The following NUDT9 variants were observed in gnomAD, a reference collection of about 807,000 sequenced individuals.
NUDT9 encodes the protein ADP-ribose pyrophosphatase.
NUDT9 carries 31 observed loss-of-function variants against 41.0 expected under a neutral mutation model. The ratio of observed to expected loss-of-function variants is 0.76; its 90% confidence interval spans 0.57 to 1.02. The LOEUF (loss-of-function observed/expected upper bound fraction) is 1.02, where lower values mean the gene tolerates loss of function less well. Among genes scored for constraint, NUDT9 ranks in the 50% least tolerant of loss-of-function variants. The pLI is 0.00. For synonymous variants in NUDT9, 146 were observed against 147.6 expected, an observed-to-expected ratio of 0.99 and a Z score of 0.08; for missense variants, 380 against 431.4, an observed-to-expected ratio of 0.88 and a Z score of 1.06.
At chr4:87,427,633 T>C (rs1378853267) in intron 1 of NUDT9, among the ~76,000 whole-genome samples, 1 of 152,236 alleles carries the variant, frequency 6.6e-6, no homozygotes, top group Non-Finnish European at 1.5e-5. Context: ...ATTTGTGGAA[T>C]TCCATAAACA....
At chr4:87,429,307 A>G (rs1294864700) in intron 1 of NUDT9, among the ~76,000 whole-genome samples, 2 of 151,936 alleles carry the variant, frequency 1.3e-5, no homozygotes, top group Admixed American at 6.6e-5. Flanking sequence ...ACATACCACC[A>G]TGCCTGACTA....
rs370980749 is a variant in NUDT9 at position 87,438,383 on chromosome 4, G to A, written c.443+11G>A. ...AAATGGAAGACCGAGGTAGGTACTG[G>A]GAGCAGAGCATCTTACAATAATGAG... On this transcript the variant is annotated intron_variant, in intron 3 of 7. Transcript: ENST00000302174. The A allele has an allele frequency of 1.6e-5, 23 of 1,476,374 alleles. No homozygotes were observed. In the African/African-American group the frequency reaches 2.6e-4, roughly 17 times the overall value. 91.5% of individuals were successfully genotyped at this position (1,476,374 alleles called of 1,614,324 possible).
rs1468687618 is a variant in NUDT9, at chr4:87,432,280, G to T, written c.108-2701G>T. 2.0e-5 allele frequency among the ~76,000 whole-genome samples: 3 copies of T among 152,120 alleles called. No homozygotes were observed. In the East Asian group the frequency reaches 5.8e-4, roughly 29 times the overall value. On this transcript the variant is annotated intron_variant, in intron 1 of 7. Coordinates refer to ENST00000302174, the MANE Select transcript of NUDT9 (RefSeq NM_024047.5). Reference sequence around the variant, plus strand: ...GTTTTATATATACTTTAAACAGGTAGCCTGGAGATACTTTTATACAGTATT... The same window carrying T: ...GTTTTATATATACTTTAAACAGGTATCCTGGAGATACTTTTATACAGTATT...
intron 7 of NUDT9, among the ~76,000 whole-genome samples, chr4:87,457,397 T>C (rs111912950): frequency 1.3e-5 from 2 of 151,996 alleles, no homozygotes; most frequent in African/African-American, 4.8e-5. Context: ...CCACCACTCC[T>C]GGCTAATTTT....
chr4:87,454,059 C>T lies in NUDT9; in HGVS notation c.790-312C>T, dbSNP rs112918097. On this transcript the variant is annotated intron_variant, in intron 6 of 7. Coordinates refer to ENST00000302174, the MANE Select transcript of NUDT9 (RefSeq NM_024047.5). Reference sequence around the variant, plus strand: ...TGTATTTTTAGTAGAGACAGGGTTTCACCTTGTTGGTCAGGCTGGTCTCGA... The same window carrying T: ...TGTATTTTTAGTAGAGACAGGGTTTTACCTTGTTGGTCAGGCTGGTCTCGA... Among the ~76,000 whole-genome samples, 60 of 152,002 alleles carry T rather than the reference C, an allele frequency of 3.9e-4. 1 individual carries two copies. The highest frequency in any genetic ancestry group is 1.4e-3 in the African/African-American group (60 of 41,482).
At chr4:87,445,926 T>G (rs1291865115) in intron 4 of NUDT9, among the ~76,000 whole-genome samples, 1 of 151,570 alleles carries the variant, frequency 6.6e-6, no homozygotes, top group African/African-American at 2.4e-5. Context: ...CCCAGTAGCA[T>G]CTCTCTCTTT....
chr4:87,453,320 A>G (rs1342692855), intron 6 of NUDT9, among the ~76,000 whole-genome samples: 1 of 152,186 alleles, frequency 6.6e-6, no homozygotes, highest in Non-Finnish European at 1.5e-5. Flanking sequence ...GTATTTCAGA[A>G]ACTATAATCA....
chr4:87,453,694 CT>C (rs1428957999), intron 6 of NUDT9, among the ~76,000 whole-genome samples: 2 of 152,038 alleles, frequency 1.3e-5, no homozygotes, highest in Non-Finnish European at 2.9e-5. Context: ...TCCCAAAGTG[CT>C]GGTATTACAG....
At chr4:87,437,540 C>T (rs1223682937) in intron 2 of NUDT9, among the ~76,000 whole-genome samples, 1 of 151,542 alleles carries the variant, frequency 6.6e-6, no homozygotes, top group Admixed American at 6.6e-5. Context: ...GATGGGGTTC[C>T]ACCATGTTAG....
At chr4:87,436,943 G>C (rs917221927) in intron 2 of NUDT9, among the ~76,000 whole-genome samples, 1 of 152,078 alleles carries the variant, frequency 6.6e-6, no homozygotes, top group Non-Finnish European at 1.5e-5. Flanking sequence ...GTTTAGTTAT[G>C]TCTGTTTAAA....
At chr4:87,450,367 T>G (rs1222917809) in intron 5 of NUDT9, among the ~76,000 whole-genome samples, 1 of 145,810 alleles carries the variant, frequency 6.9e-6, no homozygotes, top group Non-Finnish European at 1.5e-5. Flanking sequence ...GGCTAATTTC[T>G]TTTTCTTTTT....
At chr4:87,438,603 C>T (rs1004685535) in intron 3 of NUDT9, among the ~76,000 whole-genome samples, 2 of 151,896 alleles carry the variant, frequency 1.3e-5, no homozygotes, top group Non-Finnish European at 2.9e-5. Flanking sequence ...GCAGAGGCAG[C>T]GTTTGAATGC....
intron 3 of NUDT9, among the ~76,000 whole-genome samples, chr4:87,440,827 C>CA (rs1337262669): frequency 1.3e-5 from 2 of 148,506 alleles, no homozygotes; most frequent in Non-Finnish European, 3.0e-5. Flanking sequence ...GCGTGGGTGA[C>CA]AGAGTGAGAC....
intron 6 of NUDT9, among the ~76,000 whole-genome samples, chr4:87,452,111 TC>T (rs1185199170): frequency 6.6e-6 from 1 of 151,972 alleles, no homozygotes; most frequent in African/African-American, 2.4e-5. Context: ...CAAGCAATTC[TC>T]CTGCCTCAGC....
intron 3 of NUDT9, among the ~76,000 whole-genome samples, chr4:87,440,818 C>T (rs918230531): frequency 1.3e-5 from 2 of 151,062 alleles, no homozygotes; most frequent in African/African-American, 2.4e-5. Context: ...CGCACTCCAG[C>T]GTGGGTGACA....
chr4:87,428,124 T>C (rs1007891028), intron 1 of NUDT9, among the ~76,000 whole-genome samples: 1 of 152,226 alleles, frequency 6.6e-6, no homozygotes, highest in Non-Finnish European at 1.5e-5. Context: ...TCTGGGGATA[T>C]TAACTTCTTT....
intron 7 of NUDT9, among the ~76,000 whole-genome samples, chr4:87,456,738 G>C (rs917403532): frequency 1.3e-5 from 2 of 152,082 alleles, no homozygotes; most frequent in East Asian, 3.9e-4. Context: ...TGTCTCTCCA[G>C]TTTTTGGTAT....
intron 6 of NUDT9, among the ~76,000 whole-genome samples, chr4:87,453,670 C>T (rs1274027900): frequency 9.2e-5 from 14 of 151,970 alleles, no homozygotes; most frequent in African/African-American, 2.2e-4. Context: ...CCTCATGATC[C>T]GCCCACCTCC....
chr4:87,443,529 C>T (rs1330215335), intron 4 of NUDT9, among the ~76,000 whole-genome samples: 1 of 152,086 alleles, frequency 6.6e-6, no homozygotes, highest in Non-Finnish European at 1.5e-5. Flanking sequence ...AGAGCAATGG[C>T]TTTAGTTGCA....
Sources: gnomAD v4.1 joint callset for allele counts (sites outside exome capture counted in the v4.1 genomes callset) on GRCh38, gnomAD v4.1.1 for gene constraint, MANE v1.5 for transcripts, NCBI Gene and HGNC (gene_info 2026-07-23, HGNC 2026-07-21) for gene names.